DYNC2H1: variants seen among roughly 807,000 people sequenced by gnomAD.
DYNC2H1 encodes the protein dynein cytoplasmic 2 heavy chain 1, also known as cytoplasmic dynein 2 heavy chain 1.
DYNC2H1 carries 410 observed loss-of-function variants against 570.0 expected under a neutral mutation model. The ratio of observed to expected loss-of-function variants is 0.72; its 90% CI spans 0.66 to 0.78. DYNC2H1 has a LOEUF of 0.78. Ranked by LOEUF, DYNC2H1 falls within the 30% of genes least tolerant of loss-of-function variation. The pLI, the probability that DYNC2H1 is intolerant of heterozygous loss-of-function variation, is 0.00. For missense variants in DYNC2H1, 4,865 were observed against 5,046.4 expected, an observed-to-expected ratio of 0.96 and a Z score of 1.09; for synonymous variants, 1,688 against 1,677.6, an observed-to-expected ratio of 1.01 and a Z score of -0.15.
intron 24 of DYNC2H1, 42 bp downstream of exon 24, chr11:103,154,851 G>T (rs2134887102): frequency 7.0e-7 from 1 of 1,431,500 alleles, no homozygotes; most frequent in Non-Finnish European, 9.4e-7. Context: ...AACAATGTTT[G>T]GAGCTTTCAT....
At chr11:103,470,710 C>G (rs894870428) in intron 88 of DYNC2H1, among the ~76,000 whole-genome samples, 1 of 152,146 alleles carries the variant, frequency 6.6e-6, no homozygotes, top group Admixed American at 6.5e-5. Flanking sequence ...ATGATGGTTT[C>G]CAGCTTCATC....
intron 83 of DYNC2H1, among the ~76,000 whole-genome samples, chr11:103,375,519 C>T (rs1295222425): frequency 6.6e-6 from 1 of 152,202 alleles, no homozygotes; most frequent in East Asian, 1.9e-4. Context: ...GGGAGCTGTA[C>T]CCTGCAAAGC....
rs1345002906 is a variant in DYNC2H1, at chr11:103,109,465, C to T, written c.-110C>T. On this transcript the variant is annotated 5_prime_UTR_variant, in exon 1 of 89. Coordinates refer to ENST00000375735, the MANE Select transcript of DYNC2H1 (RefSeq NM_001377.3). ...TGGCAACCGCGAAGCTCTGCGGTCC[C>T]GCGGTCGGGCTACGGGTTTGAGCAA... The T allele has an allele frequency of 1.8e-6, 2 of 1,092,234 alleles. No individual in the cohort carries two copies. The highest frequency in any genetic ancestry group is 2.7e-5 in the Admixed American group (1 of 36,872). 67.7% of individuals were successfully genotyped at this position (1,092,234 alleles called of 1,614,324 possible). A position where few individuals can be genotyped will look rare whatever the true frequency, so the allele number is the denominator to read the frequency against.
chr11:103,354,180 AC>A (rs368598027), intron 82 of DYNC2H1, among the ~76,000 whole-genome samples: 5,872 of 133,586 alleles, frequency 0.044, 424 homozygotes, highest in East Asian at 0.15. Context: ...CTGTCTCAAA[AC>A]AAAAAAAAAA....
chr11:103,255,279 A>T lies in DYNC2H1; in HGVS notation c.10207-136A>T. ...TAATTGTTGAAGGTGTCTTATGTTT[A>T]ATTAGAAAGAATGAAATGAGATAAC... On this transcript the variant is annotated intron_variant, in intron 66 of 88. Transcript: ENST00000375735. 5 of 987,168 alleles carry T rather than the reference A, an allele frequency of 5.1e-6. No homozygotes were observed. In the South Asian group the frequency reaches 8.9e-5, roughly 18 times the overall value. 61.2% of individuals were successfully genotyped at this position (987,168 alleles called of 1,614,324 possible). A position where few individuals can be genotyped will look rare whatever the true frequency, so the allele number is the denominator to read the frequency against.
rs778720641 is a variant in DYNC2H1, at chr11:103,253,426, C to T, written c.10184C>T (p.Thr3395Ile). 3.7e-6 allele frequency: 6 copies of T among 1,612,702 alleles called. No individual in the cohort carries two copies. Among genetic ancestry groups the T allele is most frequent in the East Asian group, 2.2e-5 (1 of 44,794 alleles). ...GTTACTGAGGTTAACTTTACTACAACAAGAAGTGGATTACGAGGGCAGGTA... is the reference window on the plus strand; with the variant it reads ...GTTACTGAGGTTAACTTTACTACAATAAGAAGTGGATTACGAGGGCAGGTA... ...SIVTEVNFTT[T>I]RSGLRGQLLA... The change falls in exon 66 of 89, where the codon ACA (threonine) becomes ATA (isoleucine). Residue 3395 changes from threonine to isoleucine, a missense_variant. Thr to Ile is a moderately conservative substitution (Grantham distance 89). Around this residue, in one of 5 missense-constraint regions of DYNC2H1, gnomAD observed 2,401 missense variants for 2,454.6 expected, o/e 0.98. Coordinates refer to ENST00000375735, the MANE Select transcript of DYNC2H1 (RefSeq NM_001377.3).
chr11:103,159,936 C>T (rs1861016029), intron 28 of DYNC2H1, among the ~76,000 whole-genome samples: 1 of 152,082 alleles, frequency 6.6e-6, no homozygotes, highest in Non-Finnish European at 1.5e-5. Context: ...GCTATGAATG[C>T]AGAGTTGAGT....
rs555082393 is a variant in DYNC2H1 at position 103,173,243 on chromosome 11, G to A, written c.5496G>A (p.Ser1832=). 2.6e-5 allele frequency: 42 copies of A among 1,599,388 alleles called. No individual in the cohort carries two copies. In the East Asian group the frequency reaches 5.5e-4, roughly 21 times the overall value. Reference sequence around the variant, plus strand: ...TTATTGCAGAAGTTATTCTCTATTCGGAAGGCTTTAAAGACGCTAAAGTAT... The same window carrying A: ...TTATTGCAGAAGTTATTCTCTATTCAGAAGGCTTTAAAGACGCTAAAGTAT... ...NELIAEVILY[S]EGFKDAKVLS... Residue 1832 remains serine (S), a synonymous_variant, in exon 35 of 89, where the codon TCG becomes TCA. Transcript: ENST00000375735.
At position 103,158,961 on chromosome 11, in the gene DYNC2H1, T is replaced by C. The variant is rs367841359; in HGVS notation, c.4312T>C (p.Leu1438=). 1,280 of 1,613,418 alleles carry C rather than the reference T, an allele frequency of 7.9e-4. 2 individuals are homozygous for C. The highest frequency in any genetic ancestry group is 1.0e-3 in the Non-Finnish European group (1,231 of 1,179,736). Residue 1438 remains leucine (L), a synonymous_variant, in exon 28 of 89, where the codon TTA becomes CTA. Coordinates refer to ENST00000375735, the MANE Select transcript of DYNC2H1 (RefSeq NM_001377.3). ...TTATTTTATTGGTGATGATGACTTA[T>C]TAGAAATATTGGGCCAGTCTACCAA... ...RFYFIGDDDL[L]EILGQSTNPS...
At chr11:103,470,252 A>G (rs1945328714) in intron 88 of DYNC2H1, among the ~76,000 whole-genome samples, 1 of 152,186 alleles carries the variant, frequency 6.6e-6, no homozygotes, top group Non-Finnish European at 1.5e-5. Flanking sequence ...GCAATATTTT[A>G]CTTTGTGTAT....
chr11:103,266,073 G>A (rs1865491183), intron 70 of DYNC2H1, among the ~76,000 whole-genome samples: 1 of 149,696 alleles, frequency 6.7e-6, no homozygotes, highest in South Asian at 2.1e-4. Context: ...GGCAGTCAGG[G>A]TGGGTGGGGT....
intron 68 of DYNC2H1, among the ~76,000 whole-genome samples, chr11:103,257,055 T>G (rs1488843617): frequency 6.6e-6 from 1 of 152,160 alleles, no homozygotes; most frequent in Non-Finnish European, 1.5e-5. Flanking sequence ...AAAATTCATA[T>G]GTGGAAATGT....
Position 103,154,620 on chromosome 11 carries a change from A to T in DYNC2H1, c.3458+14A>T. 6.3e-7 allele frequency: 1 copy of T among 1,583,856 alleles called. No homozygotes were observed. On this transcript the variant is annotated intron_variant, in intron 23 of 88. Transcript: ENST00000375735. ...GATCACTTTTCGGTTTGATTCAAAA[A>T]CAATATTTAGACTAATAATTTGGTT...
intron 59 of DYNC2H1, among the ~76,000 whole-genome samples, chr11:103,224,616 A>G (rs1380131276): frequency 1.3e-5 from 2 of 152,166 alleles, no homozygotes; most frequent in East Asian, 1.9e-4. Context: ...TCCGTGGGGT[A>G]TATATATACC....
At chr11:103,408,550 C>T (rs995649978) in intron 84 of DYNC2H1, among the ~76,000 whole-genome samples, 4 of 151,918 alleles carry the variant, frequency 2.6e-5, no homozygotes, top group Non-Finnish European at 4.4e-5. Context: ...CTTGTCCTTT[C>T]GTACTAGCAG....
At chr11:103,222,523 A>G (rs1281772066) in intron 58 of DYNC2H1, among the ~76,000 whole-genome samples, 2 of 152,130 alleles carry the variant, frequency 1.3e-5, no homozygotes, top group Non-Finnish European at 2.9e-5. Flanking sequence ...TTTAGATTTC[A>G]TGATTCTGGT....
intron 48 of DYNC2H1, among the ~76,000 whole-genome samples, chr11:103,198,431 G>A (rs1329938007): frequency 1.3e-5 from 2 of 152,114 alleles, no homozygotes; most frequent in Admixed American, 1.3e-4. Flanking sequence ...GATTCATTAG[G>A]TGACCCAGGT....
intron 65 of DYNC2H1, among the ~76,000 whole-genome samples, chr11:103,246,488 A>G (rs751599609): frequency 3.2e-4 from 48 of 152,164 alleles, no homozygotes; most frequent in Non-Finnish European, 5.6e-4. Context: ...CCCTGAAAAG[A>G]GTGATAAATT....
rs1384866051 is a variant in DYNC2H1, at chr11:103,189,747, T to A, written c.7368T>A (p.Asn2456Lys). The A allele has an allele frequency of 5.6e-6, 9 of 1,612,676 alleles. No individual in the cohort carries two copies. The highest frequency in any genetic ancestry group is 6.8e-6 in the Non-Finnish European group (8 of 1,179,236). The change falls in exon 45 of 89, where the codon AAT (asparagine) becomes AAA (lysine). Residue 2456 changes from asparagine (N) to lysine (K), a missense_variant. Asn to Lys is a moderately conservative substitution (Grantham distance 94). This residue lies in a region of DYNC2H1 where 2,401 missense variants were observed against 2,454.6 expected (regional missense o/e 0.98). Coordinates refer to ENST00000375735, the MANE Select transcript of DYNC2H1 (RefSeq NM_001377.3). The surrounding 1 kb of genome is among the most constrained non-coding windows in gnomAD (Gnocchi z 4.3). ...CAGTTCTACATAAAAATCTGAAGAA[T>A]CATTCTATTTGGGGTTCTTCATCAA... Reference protein sequence around the residue: ...LEPVLHKNLKNHSIWGSSSKI... With the variant: ...LEPVLHKNLKKHSIWGSSSKI...
Sources: allele counts gnomAD v4.1 joint callset (sites outside exome capture counted in the v4.1 genomes callset), GRCh38; gene constraint gnomAD v4.1.1; regional missense constraint gnomAD v4.1.1; non-coding constraint Gnocchi (gnomAD v3.1); transcripts MANE v1.5; gene names NCBI Gene and HGNC (gene_info 2026-07-23, HGNC 2026-07-21).